Variants in TOP1MT observed in about 807,000 individuals in gnomAD.
The protein encoded by TOP1MT is DNA topoisomerase I, mitochondrial.
TOP1MT carries 80 observed loss-of-function variants against 73.9 expected under a neutral mutation model. The ratio of observed to expected loss-of-function variants is 1.08; its 90% CI spans 0.90 to 1.30. The LOEUF is 1.30. Among genes scored for constraint, TOP1MT ranks in the 50% most tolerant of loss-of-function variants. The pLI, the probability that TOP1MT is intolerant of heterozygous loss-of-function variation, is 0.00. For synonymous variants in TOP1MT, 338 were observed against 326.4 expected (o/e 1.04, Z -0.38); for missense variants, 815 against 808.0 (o/e 1.01, Z -0.10).
In TOP1MT at chr8:143,316,094, A is replaced by T; in HGVS notation, c.1363T>A (p.Tyr455Asn). ...EDSIAAKILSYNRANRVVAIL... is the reference protein window; with the variant it reads ...EDSIAAKILSNNRANRVVAIL... Reference sequence around the variant, plus strand: ...GCCACGACTCGGTTGGCTCGGTTGTAGGATAAGATCTTAGCTGCTATGCTG... The same window carrying T: ...GCCACGACTCGGTTGGCTCGGTTGTTGGATAAGATCTTAGCTGCTATGCTG... The change falls in exon 11 of 14, where the codon TAC becomes AAC. Residue 455 changes from tyrosine (Y) to asparagine (N), a missense_variant. By Grantham distance (143) the Tyr-to-Asn change is moderately radical (BLOSUM62 -2). This residue lies in a region of TOP1MT where 751 missense variants were observed against 725.4 expected (regional missense o/e 1.04). Coordinates refer to ENST00000329245, the MANE Select transcript of TOP1MT (RefSeq NM_052963.3). 1 of 1,614,140 alleles carries T rather than the reference A, an allele frequency of 6.2e-7. No individual in the cohort carries two copies. Among genetic ancestry groups the T allele is most frequent in the South Asian group, 1.1e-5 (1 of 91,090 alleles).
At chr8:143,326,973 G>A (rs1586766887) in intron 3 of TOP1MT, among the ~76,000 whole-genome samples, 1 of 152,312 alleles carries the variant, frequency 6.6e-6, no homozygotes, top group African/African-American at 2.4e-5. Context: ...TCCTCACACA[G>A]TGGAGGGGAC....
At chr8:143,321,972 AC>A (rs1563758643) in intron 7 of TOP1MT, among the ~76,000 whole-genome samples, 820 of 25,332 alleles carry the variant, frequency 0.032, 4 homozygotes, top group East Asian at 0.046. Flanking sequence ...ACACATGCTC[AC>A]CACACGCACG....
chr8:143,328,222 C>T (rs1435205727), intron 3 of TOP1MT: 1 of 455,878 alleles, frequency 2.2e-6, no homozygotes, highest in Non-Finnish European at 4.4e-6. Flanking sequence ...AACGGCATAA[C>T]TAAGTTACAG....
intron 4 of TOP1MT, 44 bp from the exon 5 acceptor site, chr8:143,325,577 G>T (rs1232163419): frequency 6.4e-7 from 1 of 1,570,574 alleles, no homozygotes; most frequent in Non-Finnish European, 8.7e-7. Context: ...GTGAAGAGAA[G>T]AGAACAGGCC....
At position 143,321,202 on chromosome 8, in the gene TOP1MT, G is replaced by A. The variant is rs142627675; in HGVS notation, c.1145C>T (p.Pro382Leu). 30 of 1,590,300 alleles carry A rather than the reference G, an allele frequency of 1.9e-5. No homozygotes were observed. The highest frequency in any genetic ancestry group is 1.7e-4 in the Middle Eastern group (1 of 5,984). ...RYYNRVPVEK[P>L]VYKNLQLFME... is the part of the protein sequence containing the mutation. ...GGCAGCTGGCGCGAGGGCACTCACC[G>A]GCTTCTCCACCGGCACTCTGTTGTA... is the stretch of plus-strand genomic sequence containing the variant. The change falls in exon 8 of 14, where the codon CCG becomes CTG. Residue 382 changes from proline (P) to leucine (L), a missense_variant and splice_region_variant. By Grantham distance (98) the Pro-to-Leu change is moderately conservative. Transcript: ENST00000329245.
chr8:143,353,362 G>C (rs1194326745), intron 1 of TOP1MT, among the ~76,000 whole-genome samples: 3 of 151,754 alleles, frequency 2.0e-5, no homozygotes, highest in East Asian at 3.9e-4. Context: ...GCTGCAGTGA[G>C]CTATGACGGT....
chr8:143,329,249 AC>A, intron 3 of TOP1MT, 100 bp downstream of exon 3: 1 of 1,332,482 alleles, frequency 7.5e-7, no homozygotes, highest in Non-Finnish European at 1.0e-6. Context: ...CACAGGGGCC[AC>A]CGAGAACTTG....
chr8:143,323,786 ACACG>A lies in TOP1MT; in HGVS notation c.960+209_960+212del, dbSNP rs1264167829. ...CAGACATGCCACACACAGGCACACC[ACACG>A]CACAAGTGCACACACACCACACAAT... On this transcript the variant is annotated intron_variant, in intron 7 of 13. Coordinates refer to ENST00000329245, the MANE Select transcript of TOP1MT (RefSeq NM_052963.3). Among the ~76,000 whole-genome samples, 11 of 149,314 alleles carry A rather than the reference ACACG, an allele frequency of 7.4e-5. No homozygotes were observed. The East Asian group carries it at 7.9e-4, about 11-fold the overall frequency.
Position 143,329,379 on chromosome 8 carries a change from G to A in TOP1MT, c.331C>T (p.Arg111Trp), listed in dbSNP as rs201231510. ...CGCCAGTCATTGAAGAAGTTCTTCC[G>A]GAAAACCTCCTTTGTTGTGTATTCA... Reference protein sequence around the residue: ...DHEYTTKEVFRKNFFNDWRKE... With the variant: ...DHEYTTKEVFWKNFFNDWRKE... The change falls in exon 3 of 14, where the codon CGG becomes TGG. Residue 111 changes from arginine to tryptophan, a missense_variant. Around this residue, in one of 3 missense-constraint regions of TOP1MT, gnomAD observed 751 missense variants for 725.4 expected, o/e 1.04. Coordinates refer to ENST00000329245, the MANE Select transcript of TOP1MT (RefSeq NM_052963.3). The A allele has an allele frequency of 6.4e-4, 1,029 of 1,607,222 alleles. 4 individuals carry two copies. Among genetic ancestry groups the A allele is most frequent in the Non-Finnish European group, 8.2e-4 (963 of 1,178,202 alleles).
At position 143,317,710 on chromosome 8, in the gene TOP1MT, G is replaced by C. The variant is rs1212227477; in HGVS notation, c.1330+13C>G. 2.5e-6 allele frequency: 4 copies of C among 1,610,400 alleles called. No individual in the cohort carries two copies. The highest frequency in any genetic ancestry group is 1.7e-5 in the Admixed American group (1 of 59,960). On this transcript the variant is annotated intron_variant, in intron 10 of 13. Coordinates refer to ENST00000329245, the MANE Select transcript of TOP1MT (RefSeq NM_052963.3). Reference sequence around the variant, plus strand: ...CTCCCCCCGCGCTGAGTGTGGGTGTGGGGCAGGCTCACCGCGCGTCAGGGC... The same window carrying C: ...CTCCCCCCGCGCTGAGTGTGGGTGTCGGGCAGGCTCACCGCGCGTCAGGGC...
At chr8:143,311,139 T>TTTTTTTTTTTC (rs1816004936) in intron 12 of TOP1MT, among the ~76,000 whole-genome samples, 1 of 140,922 alleles carries the variant, frequency 7.1e-6, no homozygotes, top group Non-Finnish European at 1.5e-5. Flanking sequence ...TTTTTTTTTT[T>TTTTTTTTTTTC]TGTATTTTTA....
intron 12 of TOP1MT, chr8:143,310,421 A>AG (rs1815979767): frequency 2.1e-6 from 1 of 480,938 alleles, no homozygotes; most frequent in Admixed American, 3.8e-5. Context: ...GATACAGAGG[A>AG]GGGCCGTGGG....
upstream of TOP1MT, among the ~76,000 whole-genome samples, chr8:143,357,086 T>C (rs1586789401): frequency 6.0e-5 from 6 of 100,122 alleles, no homozygotes; most frequent in South Asian, 3.2e-4. Flanking sequence ...AGAGTGAGAC[T>C]CCATCTCAAA....
chr8:143,334,242 ACCACCAACGGCCACCAGGG>A (rs1214992417), intron 1 of TOP1MT: 2 of 152,706 alleles, frequency 1.3e-5, no homozygotes, highest in East Asian at 3.9e-4. Context: ...AGCGCCTGGG[ACCACCAACGGCCACCAGGG>A]CCACTGGATC....
At chr8:143,309,708 G>A (rs559999758) in intron 13 of TOP1MT, 165 bp from the exon 14 acceptor site, 46 of 1,517,456 alleles carry the variant, frequency 3.0e-5, no homozygotes, top group East Asian at 4.9e-5. Context: ...CACGCATGCC[G>A]CCACCCTGGA....
intron 1 of TOP1MT, among the ~76,000 whole-genome samples, chr8:143,355,702 G>T (rs992908984): frequency 6.6e-6 from 1 of 152,176 alleles, no homozygotes; most frequent in African/African-American, 2.4e-5. Flanking sequence ...CTGGGCCCCC[G>T]ACACGAATGT....
upstream of TOP1MT, chr8:143,334,924 C>A: frequency 2.3e-6 from 3 of 1,292,596 alleles, no homozygotes; most frequent in South Asian, 7.1e-5. Flanking sequence ...CCCGCCCCGC[C>A]CCCAGCGGCC....
intron 2 of TOP1MT, among the ~76,000 whole-genome samples, chr8:143,342,684 A>G (rs1167232840): frequency 0.08 from 6,226 of 77,440 alleles, 1,161 homozygotes; most frequent in Non-Finnish European, 0.12. Flanking sequence ...CTCTATTATT[A>G]TTATTATTAT....
intron 7 of TOP1MT, among the ~76,000 whole-genome samples, chr8:143,322,274 A>G (rs1816453081): frequency 5.7e-5 from 2 of 35,196 alleles, no homozygotes; most frequent in Non-Finnish European, 1.0e-4. Context: ...CACGCCACAC[A>G]CATGCACGCC....
Sources: gnomAD v4.1 joint callset for allele counts (sites outside exome capture counted in the v4.1 genomes callset) on GRCh38, gnomAD v4.1.1 for gene constraint, gnomAD v4.1.1 regional missense constraint, MANE v1.5 for transcripts, NCBI Gene and HGNC (gene_info 2026-07-23, HGNC 2026-07-21) for gene names.